The following RBFOX1 variants were observed in gnomAD, a reference collection of about 807,000 sequenced individuals.
RBFOX1 encodes RNA binding protein fox-1 homolog 1.
In RBFOX1, 8 loss-of-function variants were observed where a neutral mutation model predicts 57.7. That is an observed-to-expected ratio of 0.14 (90% confidence interval 0.08 to 0.25). The LOEUF is 0.25. Among genes scored for constraint, RBFOX1 ranks in the 10% least tolerant of loss-of-function variants. The pLI is 1.00. For missense variants in RBFOX1, 611 were observed against 548.5 expected, an observed-to-expected ratio of 1.11 and a Z score of -1.14; for synonymous variants, 326 against 222.4, an observed-to-expected ratio of 1.47 and a Z score of -4.15.
At chr16:5,732,838 C>T (rs13335025) in intron 3 of RBFOX1, among the ~76,000 whole-genome samples, 14,260 of 152,032 alleles carry the variant, frequency 0.094, 2,187 homozygotes, top group African/African-American at 0.32. Flanking sequence ...AGTCTTCAAC[C>T]GTGTCTTCAT....
chr16:7,380,003 A>G (rs955416471), intron 4 of RBFOX1, among the ~76,000 whole-genome samples: 1 of 152,118 alleles, frequency 6.6e-6, no homozygotes, highest in African/African-American at 2.4e-5. Context: ...AAAGGCACAC[A>G]CCACCAAACC....
At chr16:7,414,926 C>G (rs536865368) in intron 4 of RBFOX1, among the ~76,000 whole-genome samples, 1 of 152,318 alleles carries the variant, frequency 6.6e-6, no homozygotes, top group South Asian at 2.1e-4. Flanking sequence ...GCCCTTATTT[C>G]TAATCCCTGT....
intron 2 of RBFOX1, among the ~76,000 whole-genome samples, chr16:6,487,424 T>G (rs2095509200): frequency 6.6e-6 from 1 of 151,986 alleles, no homozygotes; most frequent in African/African-American, 2.4e-5. Context: ...GTCTGAATAC[T>G]TTGATGTAGC....
At chr16:6,042,389 G>A (rs979934007) in intron 1 of RBFOX1, among the ~76,000 whole-genome samples, 8 of 152,062 alleles carry the variant, frequency 5.3e-5, no homozygotes, top group South Asian at 2.1e-4. Flanking sequence ...ATGAGCCACC[G>A]TGCCTGGCCC....
intron 4 of RBFOX1, among the ~76,000 whole-genome samples, chr16:7,445,546 A>G (rs2098801334): frequency 6.6e-6 from 1 of 152,180 alleles, no homozygotes; most frequent in Non-Finnish European, 1.5e-5. Flanking sequence ...AAATCAAGGG[A>G]TTGGGGTCAT....
At chr16:5,456,770 G>T (rs1339237096) in intron 1 of RBFOX1, among the ~76,000 whole-genome samples, 1 of 152,084 alleles carries the variant, frequency 6.6e-6, no homozygotes, top group East Asian at 1.9e-4. Flanking sequence ...GGGCAGCCCT[G>T]GTCATGTAAT....
intron 4 of RBFOX1, among the ~76,000 whole-genome samples, chr16:7,223,738 G>C (rs1555597325): frequency 7.0e-6 from 1 of 142,074 alleles, no homozygotes; most frequent in Admixed American, 7.0e-5. Flanking sequence ...AAAAGAAAAA[G>C]AAATGAGCAA....
At chr16:6,337,234 G>A (rs183167979) in intron 2 of RBFOX1, among the ~76,000 whole-genome samples, 22 of 152,270 alleles carry the variant, frequency 1.4e-4, no homozygotes, top group African/African-American at 5.3e-4. Context: ...CAAAGAAGGA[G>A]GGCCCTATGA....
At chr16:6,210,039 C>T (rs1001821704) in intron 1 of RBFOX1, among the ~76,000 whole-genome samples, 3 of 151,834 alleles carry the variant, frequency 2.0e-5, no homozygotes, top group Non-Finnish European at 4.4e-5. Flanking sequence ...ACAAAGGGGC[C>T]AGGCATGATG....
intron 4 of RBFOX1, among the ~76,000 whole-genome samples, chr16:7,203,917 G>A (rs879516814): frequency 6.6e-6 from 1 of 152,236 alleles, no homozygotes; most frequent in Non-Finnish European, 1.5e-5. Flanking sequence ...AAGGACAGGT[G>A]CACATTTACA....
intron 3 of RBFOX1, among the ~76,000 whole-genome samples, chr16:6,770,299 C>G (rs892566502): frequency 3.9e-5 from 6 of 152,162 alleles, no homozygotes; most frequent in African/African-American, 1.4e-4. Flanking sequence ...AATCCAGTAG[C>G]AATTGAAACT....
chr16:6,984,433 C>A (rs1259218717), intron 3 of RBFOX1, among the ~76,000 whole-genome samples: 3 of 152,076 alleles, frequency 2.0e-5, no homozygotes, highest in Non-Finnish European at 1.5e-5. Flanking sequence ...GTGAGACGAA[C>A]CATCAGGAAA....
At chr16:6,073,666 C>T (rs1382316187) in intron 1 of RBFOX1, among the ~76,000 whole-genome samples, 1 of 152,110 alleles carries the variant, frequency 6.6e-6, no homozygotes, top group Non-Finnish European at 1.5e-5. Flanking sequence ...AATGCATAAT[C>T]TTCCTGGATT....
chr16:6,391,241 G>T (rs1567177981), intron 2 of RBFOX1, among the ~76,000 whole-genome samples: 3 of 152,294 alleles, frequency 2.0e-5, no homozygotes, highest in East Asian at 3.9e-4. Context: ...CAGGCACGGT[G>T]GCTCACGCCT....
intron 3 of RBFOX1, among the ~76,000 whole-genome samples, chr16:6,987,915 G>A (rs1370135580): frequency 6.6e-6 from 1 of 152,088 alleles, no homozygotes; most frequent in African/African-American, 2.4e-5. Flanking sequence ...TGTTTATGAT[G>A]GCTGGAATGA....
chr16:7,593,666 A>T (rs2094552145), intron 7 of RBFOX1, among the ~76,000 whole-genome samples: 1 of 148,880 alleles, frequency 6.7e-6, no homozygotes, highest in African/African-American at 2.5e-5. Context: ...TTACATGTGA[A>T]TTTTTTTTTT....
chr16:7,146,381 C>G (rs1035281203), intron 4 of RBFOX1, among the ~76,000 whole-genome samples: 1 of 152,198 alleles, frequency 6.6e-6, no homozygotes, highest in Non-Finnish European at 1.5e-5. Flanking sequence ...GAAATTGTCT[C>G]ATCAGTATAC....
chr16:6,496,913 C>T (rs1319460227), intron 2 of RBFOX1, among the ~76,000 whole-genome samples: 1 of 152,058 alleles, frequency 6.6e-6, no homozygotes, highest in Non-Finnish European at 1.5e-5. Context: ...TGAGCCGAGA[C>T]TACGCCATTG....
chr16:7,316,555 T>G (rs2096443490), intron 4 of RBFOX1, among the ~76,000 whole-genome samples: 1 of 152,218 alleles, frequency 6.6e-6, no homozygotes, highest in Non-Finnish European at 1.5e-5. Flanking sequence ...GGAAAGCAGG[T>G]CTGCTTTTCT....
Sources: allele counts gnomAD v4.1 joint callset (sites outside exome capture counted in the v4.1 genomes callset), GRCh38; gene constraint gnomAD v4.1.1; transcripts MANE v1.5; gene names NCBI Gene and HGNC (gene_info 2026-07-23, HGNC 2026-07-21).